The following CDH23 variants were observed in gnomAD, a reference collection of about 807,000 sequenced individuals.
The protein encoded by CDH23 is cadherin related 23.
Under a neutral mutation model 317.1 loss-of-function variants are expected in CDH23, and 189 were observed. The ratio of observed to expected loss-of-function variants is 0.60; its 90% CI spans 0.53 to 0.67. The LOEUF is 0.67. Ranked by LOEUF, CDH23 falls within the 30% of genes least tolerant of loss-of-function variation. CDH23 has a pLI of 0.00. For missense variants in CDH23, 4,401 were observed against 4,592.4 expected, an observed-to-expected ratio of 0.96 and a Z score of 1.20; for synonymous variants, 1,839 against 1,876.8, an observed-to-expected ratio of 0.98 and a Z score of 0.52.
At chr10:71,489,597 GTGTGT>G (rs1852538878) in intron 3 of CDH23, among the ~76,000 whole-genome samples, 1 of 117,432 alleles carries the variant, frequency 8.5e-6, no homozygotes, top group African/African-American at 3.7e-5. Flanking sequence ...GCCTCGGGGT[GTGTGT>G]GTGTGTGTGT....
Position 71,549,793 on chromosome 10 carries a change from G to T in CDH23, c.430-16949G>T, listed in dbSNP as rs144505569. ...CTTACTGCCCCAGAGAAGCGAAAAC[G>T]GTCTTGACTGCAACTTCAAGGCACT... On this transcript the variant is annotated intron_variant, in intron 6 of 69. Coordinates refer to ENST00000224721, the MANE Select transcript of CDH23 (RefSeq NM_022124.6). Among the ~76,000 whole-genome samples, 10 of 152,286 alleles carry T rather than the reference G, an allele frequency of 6.6e-5. 1 individual carries two copies. Among genetic ancestry groups the T allele is most frequent in the Admixed American group, 4.6e-4 (7 of 15,314 alleles).
At chr10:71,496,884 G>A (rs1853006223) in intron 3 of CDH23, among the ~76,000 whole-genome samples, 1 of 33,608 alleles carries the variant, frequency 3.0e-5, no homozygotes. Context: ...GCTGCAGCCA[G>A]GGCTGAAATG....
chr10:71,499,868 C>A (rs556372257), intron 3 of CDH23, among the ~76,000 whole-genome samples: 2 of 150,786 alleles, frequency 1.3e-5, no homozygotes, highest in South Asian at 4.2e-4. Flanking sequence ...TAAACAAAAA[C>A]TAGCCAGGTG....
At chr10:71,475,162 C>A (rs1310514655) in intron 3 of CDH23, among the ~76,000 whole-genome samples, 1 of 152,138 alleles carries the variant, frequency 6.6e-6, no homozygotes, top group Non-Finnish European at 1.5e-5. Flanking sequence ...GGCTGCTTTT[C>A]TGGGCCAGTG....
At chr10:71,445,926 C>T (rs903098930) in intron 2 of CDH23, among the ~76,000 whole-genome samples, 3 of 151,576 alleles carry the variant, frequency 2.0e-5, no homozygotes, top group African/African-American at 7.3e-5. Flanking sequence ...TTTACTTGAT[C>T]CAATATATCC....
chr10:71,749,877 C>T (rs1009926400), intron 38 of CDH23: 1 of 152,328 alleles, frequency 6.6e-6, no homozygotes, highest in Admixed American at 6.5e-5. Flanking sequence ...TTTCAGCACC[C>T]AGGCCCAGCT....
In CDH23 at chr10:71,812,468, C is replaced by T; in HGVS notation, c.9381-12C>T. The T allele has an allele frequency of 6.5e-7, 1 of 1,537,440 alleles. No individual in the cohort carries two copies. The highest frequency in any genetic ancestry group is 1.1e-5 in the South Asian group (1 of 90,290). ...TCCCTCCCTCCCCACCCTTTTCCCT[C>T]CCCAACTGCAGAGCCAACCCTGTGT... is the stretch of plus-strand genomic sequence containing the variant. On this transcript the variant is annotated splice_polypyrimidine_tract_variant and intron_variant, in intron 66 of 69. Coordinates refer to ENST00000224721, the MANE Select transcript of CDH23 (RefSeq NM_022124.6).
intron 66 of CDH23, chr10:71,812,217 C>G (rs1841955241): frequency 2.3e-5 from 36 of 1,591,150 alleles, no homozygotes; most frequent in Non-Finnish European, 3.1e-5. Flanking sequence ...CAGTGGGCCT[C>G]AAGTTCCAGG....
intron 6 of CDH23, among the ~76,000 whole-genome samples, chr10:71,560,981 A>G: frequency 6.6e-6 from 1 of 152,176 alleles, no homozygotes; most frequent in East Asian, 1.9e-4. Flanking sequence ...GGTACAGCAT[A>G]AATCTTGAAG....
At chr10:71,724,132 G>A (rs1564758793) in intron 29 of CDH23, 27 bp downstream of exon 29, 1 of 1,552,332 alleles carries the variant, frequency 6.4e-7, no homozygotes, top group Non-Finnish European at 8.7e-7. Context: ...TAGGATGGGG[G>A]GCGGTCCTCC....
chr10:71,559,343 C>T (rs1857013564), intron 6 of CDH23, among the ~76,000 whole-genome samples: 1 of 152,188 alleles, frequency 6.6e-6, no homozygotes, highest in African/African-American at 2.4e-5. Context: ...GTTCAATCTG[C>T]CATGTTTACC....
intron 1 of CDH23, among the ~76,000 whole-genome samples, chr10:71,419,210 G>C (rs577708641): frequency 3.3e-5 from 5 of 152,128 alleles, no homozygotes; most frequent in African/African-American, 7.2e-5. Flanking sequence ...CCTTCTCCTT[G>C]CAATACCTTT....
At chr10:71,407,139 T>C (rs1388451237) in intron 1 of CDH23, among the ~76,000 whole-genome samples, 1 of 152,224 alleles carries the variant, frequency 6.6e-6, no homozygotes, top group Non-Finnish European at 1.5e-5. Context: ...GGCAGTCTGA[T>C]TCCTTGATCA....
intron 31 of CDH23, 38 bp downstream of exon 31, chr10:71,730,642 C>T (rs781001183): frequency 1.8e-5 from 29 of 1,611,364 alleles, no homozygotes; most frequent in Non-Finnish European, 2.3e-5. Flanking sequence ...TCCCATTGCT[C>T]AGAGCAAACC....
chr10:71,766,128 G>A (rs150996551), intron 38 of CDH23, among the ~76,000 whole-genome samples: 12 of 152,216 alleles, frequency 7.9e-5, no homozygotes, highest in African/African-American at 2.7e-4. Context: ...TGTGCAGCCC[G>A]GCTAAAATTA....
intron 62 of CDH23, among the ~76,000 whole-genome samples, chr10:71,811,072 A>T (rs1412757682): frequency 4.4e-5 from 5 of 113,240 alleles, no homozygotes; most frequent in Non-Finnish European, 8.5e-5. Context: ...ACAGAGCAAG[A>T]CTCCATCTCA....
rs1297395103 is a variant in CDH23, at chr10:71,486,695, T to G, written c.146-23387T>G. Among the ~76,000 whole-genome samples the G allele has an allele frequency of 4.6e-5, 7 of 152,334 alleles. No homozygotes were observed. The South Asian group carries it at 1.4e-3, about 32-fold the overall frequency. On this transcript the variant is annotated intron_variant, in intron 3 of 69. Transcript: ENST00000224721. ...GGTCAGTAGGGGGCGCAGCTGGACC[T>G]GACCTGGTGTGTCAAACTCCAGCGC...
chr10:71,638,115 T>G (rs184008661), intron 11 of CDH23, among the ~76,000 whole-genome samples: 1 of 152,244 alleles, frequency 6.6e-6, no homozygotes, highest in East Asian at 1.9e-4. Flanking sequence ...GAAATGATAC[T>G]GTTTTCATTT....
chr10:71,799,304 G>T, intron 51 of CDH23, 24 bp downstream of exon 51: 1 of 1,613,986 alleles, frequency 6.2e-7, no homozygotes, highest in Middle Eastern at 1.6e-4. Context: ...CCACAGGCTG[G>T]GTCCAGGACC....
Sources: gnomAD v4.1 joint callset for allele counts (sites outside exome capture counted in the v4.1 genomes callset) on GRCh38, gnomAD v4.1.1 for gene constraint, MANE v1.5 for transcripts, NCBI Gene and HGNC (gene_info 2026-07-23, HGNC 2026-07-21) for gene names.